The following L3MBTL4 variants were observed in gnomAD, a reference collection of about 807,000 sequenced individuals.
L3MBTL4 encodes the protein L3MBTL histone methyl-lysine binding protein 4.
Under a neutral mutation model 84.5 loss-of-function variants are expected in L3MBTL4, and 70 were observed. That is an observed-to-expected ratio of 0.83 (90% CI 0.68 to 1.01). The LOEUF (loss-of-function observed/expected upper bound fraction) is 1.01. L3MBTL4 is among the 50% of genes least tolerant of loss of function. L3MBTL4 has a pLI of 0.00. For synonymous variants in L3MBTL4, 274 were observed against 259.8 expected (o/e 1.05, Z -0.52); for missense variants, 715 against 754.8 (o/e 0.95, Z 0.62).
intron 10 of L3MBTL4, among the ~76,000 whole-genome samples, chr18:6,225,841 A>T (rs1358934406): frequency 6.6e-6 from 1 of 152,144 alleles, no homozygotes; most frequent in African/African-American, 2.4e-5. Flanking sequence ...TTAAAAAAAA[A>T]ATGAACAGGA....
At chr18:6,046,779 T>C (rs2056640600) in intron 16 of L3MBTL4, 1 of 771,368 alleles carries the variant, frequency 1.3e-6, no homozygotes, top group Non-Finnish European at 2.4e-6. Context: ...GTTTATGACA[T>C]AAACACTTAC....
chr18:6,311,235 T>C (rs1236985532), intron 3 of L3MBTL4, among the ~76,000 whole-genome samples: 2 of 152,070 alleles, frequency 1.3e-5, no homozygotes, highest in African/African-American at 4.8e-5. Flanking sequence ...TAGGGGGTCC[T>C]GTTTCTCTGG....
At chr18:6,354,383 G>C (rs1183615993) in intron 1 of L3MBTL4, among the ~76,000 whole-genome samples, 1 of 152,098 alleles carries the variant, frequency 6.6e-6, no homozygotes, top group African/African-American at 2.4e-5. Flanking sequence ...AAAATGTCTT[G>C]ACTAATATCC....
In L3MBTL4 at chr18:5,959,740, A is replaced by G. The variant is rs959393442; in HGVS notation, c.1677+354T>C. Reference sequence around the variant, plus strand: ...GAGAGGCCTCATGACACTGATAGGTATTAATTAATTATCTTTTTCATTTAC... The same window carrying G: ...GAGAGGCCTCATGACACTGATAGGTGTTAATTAATTATCTTTTTCATTTAC... On this transcript the variant is annotated intron_variant, in intron 18 of 18. Transcript: ENST00000317931. Among the ~76,000 whole-genome samples, 8 of 152,224 alleles carry G rather than the reference A, an allele frequency of 5.3e-5. No individual in the cohort carries two copies. The South Asian group carries it at 6.2e-4, about 12-fold the overall frequency.
At chr18:6,068,126 C>T (rs986073939) in intron 16 of L3MBTL4, among the ~76,000 whole-genome samples, 11 of 152,280 alleles carry the variant, frequency 7.2e-5, no homozygotes, top group African/African-American at 2.6e-4. Flanking sequence ...TTGCAGTAAC[C>T]ATGCATTTGG....
intron 12 of L3MBTL4, among the ~76,000 whole-genome samples, chr18:6,191,493 G>A (rs917893092): frequency 6.6e-6 from 1 of 152,156 alleles, no homozygotes; most frequent in African/African-American, 2.4e-5. Flanking sequence ...AGGAAGATCA[G>A]TCAAACTTTG....
At chr18:6,366,747 T>C (rs901973371) in intron 1 of L3MBTL4, among the ~76,000 whole-genome samples, 3 of 152,230 alleles carry the variant, frequency 2.0e-5, no homozygotes, top group Non-Finnish European at 4.4e-5. Context: ...TAAGTGCAGA[T>C]GTTTGTTTAA....
At chr18:6,085,096 T>C (rs2058215254) in intron 15 of L3MBTL4, among the ~76,000 whole-genome samples, 1 of 152,230 alleles carries the variant, frequency 6.6e-6, no homozygotes, top group Non-Finnish European at 1.5e-5. Context: ...ATTCATACAG[T>C]ATGTTTAGTT....
intron 4 of L3MBTL4, among the ~76,000 whole-genome samples, chr18:6,280,522 A>G (rs381260): frequency 0.032 from 4,811 of 152,286 alleles, 210 homozygotes; most frequent in African/African-American, 0.1. Context: ...AGTAATTCCC[A>G]TTTCCTTCAA....
intron 1 of L3MBTL4, among the ~76,000 whole-genome samples, chr18:6,366,686 T>G (rs1442718787): frequency 6.6e-6 from 1 of 152,156 alleles, no homozygotes; most frequent in Non-Finnish European, 1.5e-5. Context: ...AAAAGACTAT[T>G]CCCAGCCAGA....
intron 16 of L3MBTL4, among the ~76,000 whole-genome samples, chr18:6,055,738 A>G (rs904271597): frequency 2.0e-5 from 3 of 152,190 alleles, no homozygotes; most frequent in Non-Finnish European, 2.9e-5. Flanking sequence ...ATCATCTCAC[A>G]GTGGTCCGGG....
intron 12 of L3MBTL4, 21 bp from the exon 13 acceptor site, chr18:6,171,963 T>C (rs1283648144): frequency 1.7e-6 from 2 of 1,190,492 alleles, no homozygotes; most frequent in Non-Finnish European, 2.4e-6. Flanking sequence ...GAGTTTTGAA[T>C]GATTAGCATT....
intron 14 of L3MBTL4, among the ~76,000 whole-genome samples, chr18:6,135,222 C>A (rs2059995578): frequency 1.3e-5 from 2 of 152,070 alleles, no homozygotes; most frequent in African/African-American, 4.8e-5. Context: ...CACAACTGGG[C>A]CCAACCCACA....
chr18:6,239,762 G>A lies in L3MBTL4; in HGVS notation c.663C>T (p.Arg221=), dbSNP rs377362717. The A allele has an allele frequency of 6.3e-5, 101 of 1,614,100 alleles. No individual in the cohort carries two copies. The highest frequency in any genetic ancestry group is 1.6e-4 in the Middle Eastern group (1 of 6,062). Reference sequence around the variant, plus strand: ...CCCAGTTGTCAAAATGCACTAGTAAGCGATCTTCAACAATATCTGCTATGG... The same window carrying A: ...CCCAGTTGTCAAAATGCACTAGTAAACGATCTTCAACAATATCTGCTATGG... ...VATIADIVED[R]LLVHFDNWDD... Residue 221 remains arginine, a synonymous_variant, in exon 9 of 19, where the codon CGC becomes CGT. Transcript: ENST00000317931.
chr18:6,055,103 G>C (rs1351847197), intron 16 of L3MBTL4, among the ~76,000 whole-genome samples: 1 of 152,160 alleles, frequency 6.6e-6, no homozygotes. Flanking sequence ...TTCATCTCAT[G>C]CCTATTTTCA....
At chr18:6,227,642 CA>C (rs1378419397) in intron 10 of L3MBTL4, among the ~76,000 whole-genome samples, 4 of 152,050 alleles carry the variant, frequency 2.6e-5, no homozygotes, top group Non-Finnish European at 4.4e-5. Flanking sequence ...TTTTCTGATA[CA>C]AAAACCAGTT....
chr18:6,357,740 G>A (rs1406442002), intron 1 of L3MBTL4, among the ~76,000 whole-genome samples: 1 of 152,168 alleles, frequency 6.6e-6, no homozygotes, highest in Non-Finnish European at 1.5e-5. Flanking sequence ...AGAATGGCAG[G>A]ATTTTCTGGT....
At chr18:6,023,550 C>T (rs1273901623) in intron 16 of L3MBTL4, among the ~76,000 whole-genome samples, 1 of 152,154 alleles carries the variant, frequency 6.6e-6, no homozygotes, top group East Asian at 1.9e-4. Context: ...CAACATGCTA[C>T]AAGCATTTAC....
At chr18:6,295,346 C>CTCTCTCTCTATATA (rs1261475809) in intron 4 of L3MBTL4, among the ~76,000 whole-genome samples, 11 of 81,388 alleles carry the variant, frequency 1.4e-4, no homozygotes, top group East Asian at 7.9e-4. Context: ...CTCTCTCTCT[C>CTCTCTCTCTATATA]TATATATATA....
Sources: gnomAD v4.1 joint callset for allele counts (sites outside exome capture counted in the v4.1 genomes callset) on GRCh38, gnomAD v4.1.1 for gene constraint, MANE v1.5 for transcripts, NCBI Gene and HGNC (gene_info 2026-07-23, HGNC 2026-07-21) for gene names.